Variants in SYN3 observed in about 807,000 individuals in gnomAD.
SYN3 encodes synapsin III, also known as synapsin-3.
In SYN3, 35 loss-of-function variants were observed where a neutral mutation model predicts 65.8. That is an observed-to-expected ratio of 0.53 (90% CI 0.41 to 0.70). The LOEUF (loss-of-function observed/expected upper bound fraction) is 0.70. SYN3 is among the 30% of genes least tolerant of loss of function. The pLI is 0.00. For synonymous variants in SYN3, 270 were observed against 292.9 expected, an observed-to-expected ratio of 0.92 and a Z score of 0.80; for missense variants, 680 against 749.0, an observed-to-expected ratio of 0.91 and a Z score of 1.08.
chr22:32,799,491 T>A (rs1176935005), intron 6 of SYN3, among the ~76,000 whole-genome samples: 4 of 152,254 alleles, frequency 2.6e-5, no homozygotes, highest in African/African-American at 9.6e-5. Flanking sequence ...ATCTACTTGA[T>A]ACTTATATTC....
chr22:32,894,691 C>A (rs577912093), intron 4 of SYN3, among the ~76,000 whole-genome samples: 4 of 152,302 alleles, frequency 2.6e-5, no homozygotes, highest in South Asian at 2.1e-4. Flanking sequence ...GTTTAAACAT[C>A]TGATTAAACG....
At chr22:32,726,355 A>G (rs1006998271) in intron 6 of SYN3, among the ~76,000 whole-genome samples, 2 of 152,108 alleles carry the variant, frequency 1.3e-5, no homozygotes. Flanking sequence ...GTTGGCCAGG[A>G]TGTTCTTGAT....
intron 10 of SYN3, among the ~76,000 whole-genome samples, chr22:32,532,760 C>T (rs2146178234): frequency 6.6e-6 from 1 of 152,294 alleles, no homozygotes; most frequent in Non-Finnish European, 1.5e-5. Flanking sequence ...TGTGGTCACC[C>T]CAGCCATGTG....
chr22:32,805,252 C>A (rs2046697467), intron 6 of SYN3, among the ~76,000 whole-genome samples: 1 of 152,150 alleles, frequency 6.6e-6, no homozygotes, highest in Non-Finnish European at 1.5e-5. Flanking sequence ...GGGCCGGCTG[C>A]CAGCCCCAGA....
At chr22:32,637,630 C>CTTTTT (rs1185407986) in intron 6 of SYN3, among the ~76,000 whole-genome samples, 58 of 93,548 alleles carry the variant, frequency 6.2e-4, no homozygotes, top group Middle Eastern at 8.8e-3. Context: ...TTTTCTTTTT[C>CTTTTT]TTTTTTTTTT....
At chr22:32,808,600 C>CCA (rs1460375514) in intron 6 of SYN3, among the ~76,000 whole-genome samples, 1 of 152,170 alleles carries the variant, frequency 6.6e-6, no homozygotes, top group Non-Finnish European at 1.5e-5. Flanking sequence ...ATAGTCTCAT[C>CCA]ACTGGTCTGT....
chr22:32,945,293 C>A (rs1411648793), intron 3 of SYN3, among the ~76,000 whole-genome samples: 2 of 152,196 alleles, frequency 1.3e-5, no homozygotes, highest in Non-Finnish European at 2.9e-5. Flanking sequence ...TTAAACTATA[C>A]TACAAGGCTA....
chr22:32,531,613 A>G (rs1298727466), intron 10 of SYN3, among the ~76,000 whole-genome samples: 1 of 151,806 alleles, frequency 6.6e-6, no homozygotes, highest in African/African-American at 2.4e-5. Context: ...TTCACAAAAC[A>G]TTTCACACAC....
chr22:32,864,976 G>A lies in SYN3; in HGVS notation c.650C>T (p.Ser217Phe). 1 of 1,614,118 alleles carries A rather than the reference G, an allele frequency of 6.2e-7. No individual in the cohort carries two copies. Among genetic ancestry groups the A allele is most frequent in the Non-Finnish European group, 8.5e-7 (1 of 1,179,960 alleles). ...VFSQLIKIFH[S>F]LGPEKFPLVE... ...AAGCGGGAACTTCTCAGGACCCAGGGAATGGAAGATCTTAATGAGCTGAGA... is the reference window on the plus strand; with the variant it reads ...AAGCGGGAACTTCTCAGGACCCAGGAAATGGAAGATCTTAATGAGCTGAGA... Residue 217 changes from serine (S) to phenylalanine (F), a missense_variant, in exon 6 of 14, where the codon TCC (serine) becomes TTC (phenylalanine). By Grantham distance (155) the Ser-to-Phe change is radical. Transcript: ENST00000358763.
intron 4 of SYN3, among the ~76,000 whole-genome samples, chr22:32,918,757 C>T (rs566960030): frequency 5.9e-5 from 9 of 152,258 alleles, no homozygotes; most frequent in South Asian, 2.1e-4. Context: ...TAGCAAGCGC[C>T]GAGCTAGTAA....
rs534980950 is a variant in SYN3 at position 32,837,663 on chromosome 22, C to A, written c.711+27252G>T. Among the ~76,000 whole-genome samples, 206 of 152,182 alleles carry A rather than the reference C, an allele frequency of 1.4e-3. No individual in the cohort carries two copies. Among genetic ancestry groups the A allele is most frequent in the African/African-American group, 4.8e-3 (198 of 41,510 alleles). ...TAGGGGTTTCTTGGGGCTTCGGGGG[C>A]CTCCTGTCAATGGACTGTTTGGACA... On this transcript the variant is annotated intron_variant, in intron 6 of 13. Transcript: ENST00000358763. This position sits in a 1 kb window ranked among gnomAD's most constrained non-coding sequence, Gnocchi z 4.1.
intron 6 of SYN3, among the ~76,000 whole-genome samples, chr22:32,600,276 G>A (rs751673025): frequency 6.6e-5 from 10 of 152,156 alleles, no homozygotes; most frequent in Non-Finnish European, 1.5e-4. Context: ...CCTCGAATGC[G>A]CAATTCACGA....
chr22:33,013,726 C>T (rs1474563837), intron 1 of SYN3, among the ~76,000 whole-genome samples: 1 of 152,128 alleles, frequency 6.6e-6, no homozygotes, highest in Non-Finnish European at 1.5e-5. Flanking sequence ...TTTCCCCATT[C>T]AGCCCCCTCT....
At chr22:32,859,801 A>T (rs1239415752) in intron 6 of SYN3, 1 of 216,720 alleles carries the variant, frequency 4.6e-6, no homozygotes, top group Non-Finnish European at 9.3e-6. Context: ...TCCAATACAT[A>T]AAGGACACAG....
intron 6 of SYN3, among the ~76,000 whole-genome samples, chr22:32,768,928 C>T (rs1172665631): frequency 6.6e-6 from 1 of 152,160 alleles, no homozygotes; most frequent in Non-Finnish European, 1.5e-5. Context: ...ACCCACCTTC[C>T]AGTACCTATT....
At chr22:32,855,625 A>G (rs1191103877) in intron 6 of SYN3, among the ~76,000 whole-genome samples, 1 of 152,186 alleles carries the variant, frequency 6.6e-6, no homozygotes, top group Non-Finnish European at 1.5e-5. Flanking sequence ...GTGGGCTAAT[A>G]TTAAAGGAGA....
intron 6 of SYN3, among the ~76,000 whole-genome samples, chr22:32,678,402 G>A (rs1601897341): frequency 1.3e-5 from 2 of 151,984 alleles, no homozygotes; most frequent in African/African-American, 2.4e-5. Context: ...CACACAGAAC[G>A]CCCCAGCCAC....
At chr22:32,909,090 C>G (rs1243130439) in intron 4 of SYN3, among the ~76,000 whole-genome samples, 2 of 152,184 alleles carry the variant, frequency 1.3e-5, no homozygotes, top group Non-Finnish European at 2.9e-5. Context: ...CTTCCCTGGA[C>G]TAGGCGGCAT....
intron 7 of SYN3, among the ~76,000 whole-genome samples, chr22:32,560,561 G>A (rs2058572244): frequency 6.6e-6 from 1 of 152,146 alleles, no homozygotes; most frequent in South Asian, 2.1e-4. Flanking sequence ...AAGGCCTGAG[G>A]TGCGACATTG....
Sources: gnomAD v4.1 joint callset for allele counts (sites outside exome capture counted in the v4.1 genomes callset) on GRCh38, gnomAD v4.1.1 for gene constraint, Gnocchi (gnomAD v3.1) non-coding constraint, MANE v1.5 for transcripts, NCBI Gene and HGNC (gene_info 2026-07-23, HGNC 2026-07-21) for gene names.